TTLL11: variants seen among roughly 807,000 people sequenced by gnomAD.
TTLL11 encodes tubulin tyrosine ligase like 11.
TTLL11 carries 42 observed loss-of-function variants against 51.7 expected under a neutral mutation model. The observed-to-expected ratio is 0.81, with a 90% CI of 0.64 to 1.05. The LOEUF (loss-of-function observed/expected upper bound fraction) is 1.05. TTLL11 is among the 50% of genes least tolerant of loss of function. The pLI, the probability that TTLL11 is intolerant of heterozygous loss-of-function variation, is 0.00. For synonymous variants in TTLL11, 381 were observed against 383.5 expected (o/e 0.99, Z 0.08); for missense variants, 799 against 940.4 (o/e 0.85, Z 1.97).
chr9:121,826,537 G>GTATATATATATGTGTGTATA (rs1836797670), intron 8 of TTLL11, among the ~76,000 whole-genome samples: 3 of 47,008 alleles, frequency 6.4e-5, no homozygotes, highest in African/African-American at 3.7e-4. Flanking sequence ...ATGTGTGTGT[G>GTATATATATATGTGTGTATA]TATATATATA....
At chr9:122,055,050 A>G (rs1314082117) in intron 1 of TTLL11, among the ~76,000 whole-genome samples, 1 of 152,172 alleles carries the variant, frequency 6.6e-6, no homozygotes, top group Non-Finnish European at 1.5e-5. Flanking sequence ...AAATTCATTT[A>G]TTCAACACAT....
intron 1 of TTLL11, among the ~76,000 whole-genome samples, chr9:122,084,126 G>A (rs1846063661): frequency 6.6e-6 from 1 of 152,110 alleles, no homozygotes. Context: ...AACAAAATAG[G>A]AAAACTGGCC....
chr9:121,961,496 C>T (rs1428301065), intron 6 of TTLL11, among the ~76,000 whole-genome samples: 1 of 152,104 alleles, frequency 6.6e-6, no homozygotes, highest in African/African-American at 2.4e-5. Flanking sequence ...AATTTACCCC[C>T]AAGAGTCTCG....
chr9:121,833,620 A>G (rs1428573355), intron 8 of TTLL11, among the ~76,000 whole-genome samples: 1 of 152,070 alleles, frequency 6.6e-6, no homozygotes, highest in Non-Finnish European at 1.5e-5. Context: ...ACAGGCCCAG[A>G]GAGGCTAAGT....
At chr9:122,036,668 A>G (rs1384682309) in intron 2 of TTLL11, among the ~76,000 whole-genome samples, 1 of 152,146 alleles carries the variant, frequency 6.6e-6, no homozygotes, top group Non-Finnish European at 1.5e-5. Flanking sequence ...CCCAGCAAAT[A>G]AAGCGTTTAC....
At chr9:121,923,309 C>T (rs1474697301) in intron 6 of TTLL11, among the ~76,000 whole-genome samples, 2 of 152,050 alleles carry the variant, frequency 1.3e-5, no homozygotes, top group Non-Finnish European at 2.9e-5. Context: ...TAATATCATC[C>T]AAAAGCCGGT....
intron 6 of TTLL11, among the ~76,000 whole-genome samples, chr9:121,900,852 A>C (rs1839746573): frequency 6.6e-6 from 1 of 152,106 alleles, no homozygotes; most frequent in Non-Finnish European, 1.5e-5. Flanking sequence ...TCTGTTGCCC[A>C]GACTGGAGTG....
At chr9:121,947,487 C>G (rs1218355864) in intron 6 of TTLL11, among the ~76,000 whole-genome samples, 1 of 152,176 alleles carries the variant, frequency 6.6e-6, no homozygotes, top group Non-Finnish European at 1.5e-5. Context: ...AAAATATACA[C>G]CTGTAATTTT....
intron 6 of TTLL11, among the ~76,000 whole-genome samples, chr9:121,940,307 T>C (rs1241508242): frequency 6.6e-6 from 1 of 151,976 alleles, no homozygotes; most frequent in East Asian, 1.9e-4. Context: ...CTCCCTCCCT[T>C]GGATTTCTAA....
At chr9:122,080,415 G>T (rs1188982231) in intron 1 of TTLL11, among the ~76,000 whole-genome samples, 9 of 152,142 alleles carry the variant, frequency 5.9e-5, no homozygotes, top group Admixed American at 4.6e-4. Flanking sequence ...TGGGTGCAGT[G>T]ACGCACACCT....
chr9:121,895,679 GTC>G (rs1196065861), intron 6 of TTLL11, among the ~76,000 whole-genome samples: 2 of 29,918 alleles, frequency 6.7e-5, no homozygotes, highest in Non-Finnish European at 1.5e-4. Context: ...GTTTATGTGT[GTC>G]TGTGTGAATG....
intron 3 of TTLL11, among the ~76,000 whole-genome samples, chr9:122,001,383 C>T (rs1312954365): frequency 6.6e-6 from 1 of 152,086 alleles, no homozygotes; most frequent in African/African-American, 2.4e-5. Flanking sequence ...GGCTTCCAGG[C>T]GTGAGCCACC....
chr9:121,894,939 A>C (rs1423031126), intron 6 of TTLL11, among the ~76,000 whole-genome samples: 1 of 152,154 alleles, frequency 6.6e-6, no homozygotes, highest in Non-Finnish European at 1.5e-5. Flanking sequence ...CTCAAGGTCC[A>C]ATCCCTAAAA....
chr9:122,032,580 G>A (rs909004264), intron 2 of TTLL11, among the ~76,000 whole-genome samples: 1 of 150,932 alleles, frequency 6.6e-6, no homozygotes, highest in Admixed American at 6.6e-5. Context: ...CCTGGGAGGC[G>A]GAGCTTGCAA....
At chr9:122,024,967 G>A (rs537797230) in intron 3 of TTLL11, among the ~76,000 whole-genome samples, 1 of 152,068 alleles carries the variant, frequency 6.6e-6, no homozygotes, top group Non-Finnish European at 1.5e-5. Context: ...AGGATAATAA[G>A]AGAATGAGAA....
intron 8 of TTLL11, among the ~76,000 whole-genome samples, chr9:121,834,624 C>T (rs970546584): frequency 8.6e-5 from 13 of 151,940 alleles, no homozygotes; most frequent in Non-Finnish European, 1.8e-4. Flanking sequence ...GTCAGAAGTT[C>T]GAGACCAGTC....
At chr9:121,899,844 G>C (rs967826565) in intron 6 of TTLL11, among the ~76,000 whole-genome samples, 1 of 152,120 alleles carries the variant, frequency 6.6e-6, no homozygotes, top group African/African-American at 2.4e-5. Context: ...ACAGTGCCAC[G>C]TGCATATCAC....
chr9:121,974,663 A>G (rs1217721833), intron 5 of TTLL11, among the ~76,000 whole-genome samples: 1 of 152,240 alleles, frequency 6.6e-6, no homozygotes, highest in Non-Finnish European at 1.5e-5. Context: ...CAAACCTTCA[A>G]CACTGGAAAA....
At chr9:121,892,545 C>T (rs181403236) in intron 6 of TTLL11, among the ~76,000 whole-genome samples, 17 of 152,246 alleles carry the variant, frequency 1.1e-4, no homozygotes, top group Admixed American at 1.0e-3. Context: ...AATTATCTCC[C>T]ACCGGGTCTC....
Sources: allele counts gnomAD v4.1 joint callset (sites outside exome capture counted in the v4.1 genomes callset), GRCh38; gene constraint gnomAD v4.1.1; transcripts MANE v1.5; gene names NCBI Gene and HGNC (gene_info 2026-07-23, HGNC 2026-07-21).